The following RAB44 variants were observed in gnomAD, a reference collection of about 807,000 sequenced individuals.
RAB44 encodes the protein ras-related protein Rab-44.
A neutral mutation model predicts 93.3 loss-of-function variants in RAB44; 67 were observed. The ratio of observed to expected loss-of-function variants is 0.72; its 90% CI spans 0.59 to 0.88. RAB44 has a LOEUF of 0.88. RAB44 is among the 40% of genes least tolerant of loss of function. The probability of loss-of-function intolerance (pLI) is 0.00; values close to 1 mark genes in which losing one functional copy is unlikely to be tolerated. For synonymous variants in RAB44, 427 were observed against 520.3 expected (o/e 0.82, Z 2.44); for missense variants, 1,064 against 1,261.7 (o/e 0.84, Z 2.37).
chr6:36,718,579 C>G lies in RAB44; in HGVS notation c.819C>G (p.Gly273=). ...GCGAGGTGCAGCGACTAGCTGAGGGCCAGAGGGAGGTGAGTAATAGGGTTT... is the reference window on the plus strand; with the variant it reads ...GCGAGGTGCAGCGACTAGCTGAGGGGCAGAGGGAGGTGAGTAATAGGGTTT... ...KEREVQRLAE[G]QRELEAQLSH... Residue 273 remains glycine (G), a synonymous_variant, in exon 7 of 14, where the codon GGC becomes GGG. Transcript: ENST00000612677. 1 of 1,233,150 alleles carries G rather than the reference C, an allele frequency of 8.1e-7. No homozygotes were observed. The highest frequency in any genetic ancestry group is 1.0e-6 in the Non-Finnish European group (1 of 987,104). 76.4% of individuals were successfully genotyped at this position (1,233,150 alleles called of 1,614,324 possible).
intron 1 of RAB44, among the ~76,000 whole-genome samples, chr6:36,703,631 C>T (rs1020655153): frequency 6.6e-6 from 1 of 151,964 alleles, no homozygotes; most frequent in African/African-American, 2.4e-5. Flanking sequence ...GCCCTAAGAG[C>T]CGCATAGGGG....
At chr6:36,724,774 C>CA (rs1363015267) in intron 9 of RAB44, among the ~76,000 whole-genome samples, 7 of 152,156 alleles carry the variant, frequency 4.6e-5, no homozygotes, top group Non-Finnish European at 2.9e-5. Context: ...GTCCCAATCC[C>CA]AAGCTATGGT....
chr6:36,730,896 G>C (rs1369029334), intron 13 of RAB44, 147 bp downstream of exon 13: 4 of 408,586 alleles, frequency 9.8e-6, no homozygotes, highest in Non-Finnish European at 1.3e-5. Context: ...AAAGACCTGG[G>C]CTCACCAGTC....
In RAB44 at chr6:36,718,483, T is replaced by C. The variant is rs1290639401; in HGVS notation, c.733-10T>C. 4.1e-6 allele frequency: 5 copies of C among 1,213,488 alleles called. No homozygotes were observed. Among genetic ancestry groups the C allele is most frequent in the Non-Finnish European group, 5.2e-6 (5 of 970,238 alleles). 75.2% of individuals were successfully genotyped at this position (1,213,488 alleles called of 1,614,324 possible). A position where few individuals can be genotyped will look rare whatever the true frequency, so the allele number is the denominator to read the frequency against. On this transcript the variant is annotated splice_polypyrimidine_tract_variant and intron_variant, in intron 6 of 13. Coordinates refer to ENST00000612677, the MANE Select transcript of RAB44 (RefSeq NM_001257357.2). Reference sequence around the variant, plus strand: ...CTGCAGGGTGAGGGCTGAATCTACCTACTCCACAGAGCGACTCTCGGGGCC... The same window carrying C: ...CTGCAGGGTGAGGGCTGAATCTACCCACTCCACAGAGCGACTCTCGGGGCC...
At chr6:36,720,338 C>A in intron 7 of RAB44, 25 bp from the exon 8 acceptor site, 1 of 1,232,248 alleles carries the variant, frequency 8.1e-7, no homozygotes, top group South Asian at 4.1e-5. Flanking sequence ...CTGGGCTTCT[C>A]TCCGCCTCAC....
chr6:36,725,236 C>T (rs145357336), intron 9 of RAB44, among the ~76,000 whole-genome samples: 9 of 152,268 alleles, frequency 5.9e-5, no homozygotes, highest in Admixed American at 2.6e-4. Flanking sequence ...TGTGCAGCTG[C>T]GCGATCTCGG....
At chr6:36,700,747 G>GTTT (rs1252448139) in intron 1 of RAB44, among the ~76,000 whole-genome samples, 2 of 152,132 alleles carry the variant, frequency 1.3e-5, no homozygotes, top group African/African-American at 4.8e-5. Flanking sequence ...TGTTGTTGTT[G>GTTT]TTTTGTTTAT....
rs141969708 is a variant in RAB44, at chr6:36,702,516, T to C, written c.-12-1708T>C. Among the ~76,000 whole-genome samples the C allele has an allele frequency of 4.6e-5, 7 of 152,306 alleles. No homozygotes were observed. In the East Asian group the frequency reaches 1.4e-3, roughly 29 times the overall value. On this transcript the variant is annotated intron_variant, in intron 1 of 13. Transcript: ENST00000612677. ...CCCTCTAACCACTCCACCCAGCCTG[T>C]CTGTGGCCTTCGGCCTCAACAGAGA... is the stretch of plus-strand genomic sequence containing the variant.
chr6:36,723,606 C>T (rs1188454926), intron 9 of RAB44, among the ~76,000 whole-genome samples: 2 of 151,858 alleles, frequency 1.3e-5, no homozygotes, highest in Non-Finnish European at 2.9e-5. Context: ...GAGGCTGAGG[C>T]GGGCGGATCA....
In RAB44 at chr6:36,721,334, C is replaced by A; in HGVS notation, c.1200C>A (p.Gly400=). Residue 400 remains glycine (G), a synonymous_variant, in exon 9 of 14, where the codon GGC becomes GGA. Transcript: ENST00000612677. ...CCCCGACCCCAAGAGCCACCTCAGG[C>A]CCCCAGACACCCCGTGTGGTCAGGC... ...SPPPTPRATS[G]PQTPRVVRQI... The A allele has an allele frequency of 2.4e-6, 3 of 1,233,846 alleles. No homozygotes were observed. The highest frequency in any genetic ancestry group is 3.0e-6 in the Non-Finnish European group (3 of 987,876). 76.4% of individuals were successfully genotyped at this position (1,233,846 alleles called of 1,614,324 possible). A position where few individuals can be genotyped will look rare whatever the true frequency, so the allele number is the denominator to read the frequency against.
chr6:36,726,266 G>C (rs542802297), intron 10 of RAB44, among the ~76,000 whole-genome samples: 2 of 152,170 alleles, frequency 1.3e-5, no homozygotes, highest in South Asian at 4.2e-4. Context: ...TTCTTCTTGA[G>C]ATGGAGTCTC....
At chr6:36,716,100 C>T (rs766960888) in intron 4 of RAB44, among the ~76,000 whole-genome samples, 2 of 152,130 alleles carry the variant, frequency 1.3e-5, no homozygotes, top group African/African-American at 2.4e-5. Flanking sequence ...CTGGGTTGAA[C>T]GGGTTTGGAG....
Position 36,717,898 on chromosome 6 carries a change from G to A in RAB44, c.642-130G>A. 1 of 442,766 alleles carries A rather than the reference G, an allele frequency of 2.3e-6. No individual in the cohort carries two copies. The highest frequency in any genetic ancestry group is 3.7e-6 in the Non-Finnish European group (1 of 268,400). The allele number at this position is 442,766 out of a possible 1,614,324, so 27.4% of individuals were successfully genotyped here. On this transcript the variant is annotated intron_variant, in intron 5 of 13. Transcript: ENST00000612677. This position sits in a 1 kb window ranked among gnomAD's most constrained non-coding sequence, Gnocchi z 4.1. ...GATGGCTGTTCTCAGGGTGACAGAG[G>A]TCAGTGACTGCTGGCAGAGTGAGGA...
chr6:36,722,385 CAG>C lies in RAB44; in HGVS notation c.2252_2253del (p.Gln751ProfsTer19). 13 of 1,369,840 alleles carry C rather than the reference CAG, an allele frequency of 9.5e-6. No individual in the cohort carries two copies. The highest frequency in any genetic ancestry group is 1.2e-5 in the Non-Finnish European group (13 of 1,063,326). The allele number at this position is 1,369,840 out of a possible 1,614,324, so 84.9% of individuals were successfully genotyped here. On this transcript the variant is annotated frameshift_variant, in exon 9 of 14. Coordinates refer to ENST00000612677, the MANE Select transcript of RAB44 (RefSeq NM_001257357.2). LOFTEE classifies it high-confidence loss of function. ...PPRGSPPRGA[Q>X]PGAGAGPQEP... Reference sequence around the variant, plus strand: ...AAGGGGCTCTCCTCCCAGGGGGGCTCAGCCTGGGGCTGGAGCAGGACCCCAGG... The same window carrying C: ...AAGGGGCTCTCCTCCCAGGGGGGCTCCCTGGGGCTGGAGCAGGACCCCAGG...
chr6:36,707,983 G>A (rs9349006), intron 2 of RAB44, among the ~76,000 whole-genome samples: 19,755 of 152,154 alleles, frequency 0.13, 1,335 homozygotes, highest in South Asian at 0.19. Flanking sequence ...GGCTGAGGCA[G>A]GAGGATCACT....
At chr6:36,712,585 G>A (rs373326202) in intron 2 of RAB44, among the ~76,000 whole-genome samples, 1 of 151,974 alleles carries the variant, frequency 6.6e-6, no homozygotes, top group African/African-American at 2.4e-5. Context: ...GGCTGGTCTC[G>A]AACTCCTGAC....
chr6:36,700,056 C>A (rs146164011), intron 1 of RAB44, among the ~76,000 whole-genome samples: 1,790 of 152,226 alleles, frequency 0.012, 17 homozygotes, highest in Middle Eastern at 0.037. Flanking sequence ...AAATTTACAA[C>A]AAAAACGAGC....
At chr6:36,723,924 C>T (rs1015853132) in intron 9 of RAB44, among the ~76,000 whole-genome samples, 1 of 150,222 alleles carries the variant, frequency 6.7e-6, no homozygotes, top group Non-Finnish European at 1.5e-5. Flanking sequence ...TGTATTAGAC[C>T]AGGGCACATG....
At chr6:36,716,104 T>G (rs2150333205) in intron 4 of RAB44, among the ~76,000 whole-genome samples, 1 of 152,162 alleles carries the variant, frequency 6.6e-6, no homozygotes, top group African/African-American at 2.4e-5. Flanking sequence ...GTTGAACGGG[T>G]TTGGAGACAG....
Sources: allele counts gnomAD v4.1 joint callset (sites outside exome capture counted in the v4.1 genomes callset), GRCh38; gene constraint gnomAD v4.1.1; non-coding constraint Gnocchi (gnomAD v3.1); transcripts MANE v1.5; gene names NCBI Gene and HGNC (gene_info 2026-07-23, HGNC 2026-07-21).